Variants in PARP10 observed in about 807,000 individuals in gnomAD.
PARP10 encodes the protein poly(ADP-ribose) polymerase family member 10, also known as protein mono-ADP-ribosyltransferase PARP10.
A neutral mutation model predicts 82.4 loss-of-function variants in PARP10; 56 were observed. That is an observed-to-expected ratio of 0.68 (90% CI 0.55 to 0.85). PARP10 has a LOEUF of 0.85. Ranked by LOEUF, PARP10 falls within the 40% of genes least tolerant of loss-of-function variation. The pLI is 0.00. For missense variants in PARP10, 1,227 were observed against 1,379.4 expected (o/e 0.89, Z 1.75); for synonymous variants, 576 against 601.1 (o/e 0.96, Z 0.61).
intron 1 of PARP10, among the ~76,000 whole-genome samples, chr8:143,997,323 A>G (rs1416352937): frequency 2.0e-5 from 3 of 152,150 alleles, no homozygotes; most frequent in African/African-American, 7.2e-5. Context: ...TTTCACTGCA[A>G]CTTCCAAACC....
rs897577243 is a variant in PARP10 at position 144,008,979 on chromosome 8, C to T, written c.-80+3551G>A. On this transcript the variant is annotated intron_variant, in intron 1 of 3. Transcript: ENST00000530478. This position sits in a 1 kb window ranked among gnomAD's most constrained non-coding sequence, Gnocchi z 4.0. ...GCTGCAGCTTAACATTCTGGGGGAC[C>T]CTGGGGGTCTTTTGAGGGCCTCTAC... 6.6e-6 allele frequency among the ~76,000 whole-genome samples: 1 copy of T among 152,082 alleles called. No homozygotes were observed. Among genetic ancestry groups the T allele is most frequent in the African/African-American group, 2.4e-5 (1 of 41,420 alleles).
rs189053036 is a variant in PARP10, at chr8:144,010,074, A to C, written c.-80+2456T>G. On this transcript the variant is annotated intron_variant, in intron 1 of 3. Coordinates refer to the PARP10 transcript ENST00000530478. ...CCCTCCATCCCTCCCCAGCACATACATCCACCCTGCTCATTCTGTGCTCTA... is the reference window on the plus strand; with the variant it reads ...CCCTCCATCCCTCCCCAGCACATACCTCCACCCTGCTCATTCTGTGCTCTA... Among the ~76,000 whole-genome samples, 5 of 152,078 alleles carry C rather than the reference A, an allele frequency of 3.3e-5. No homozygotes were observed. In the East Asian group the frequency reaches 9.7e-4, roughly 29 times the overall value.
Position 144,007,896 on chromosome 8 carries a change from G to A in PARP10, c.-80+4634C>T, listed in dbSNP as rs558509572. ...TGCTGGATGGGGTACTACCTGCCTC[G>A]GGGGCTTGTTAGGACTGTCACGACA... On this transcript the variant is annotated intron_variant, in intron 1 of 3. Coordinates refer to the PARP10 transcript ENST00000530478. Among the ~76,000 whole-genome samples, 5 of 152,312 alleles carry A rather than the reference G, an allele frequency of 3.3e-5. No individual in the cohort carries two copies. The East Asian group carries it at 5.8e-4, about 18-fold the overall frequency.
intron 1 of PARP10, among the ~76,000 whole-genome samples, chr8:144,006,056 C>G (rs1348751803): frequency 6.6e-6 from 1 of 152,208 alleles, no homozygotes; most frequent in Non-Finnish European, 1.5e-5. Flanking sequence ...CTAGGGCCCC[C>G]CTAACCCCAG....
rs1833988273 is a variant in PARP10 at position 143,986,223 on chromosome 8, C to T, written c.13G>A (p.Ala5Thr). 6.2e-7 allele frequency: 1 copy of T among 1,614,028 alleles called. No homozygotes were observed. The highest frequency in any genetic ancestry group is 8.5e-7 in the Non-Finnish European group (1 of 1,179,934). MVAMAEAEAGVAVEV... is the reference protein window; with the variant it reads MVAMTEAEAGVAVEV... ...ACTGCCACCCCTGCCTCTGCCTCCG[C>T]CATTGCAACCCTGGGACGGGGCATC... Residue 5 changes from alanine (A) to threonine (T), a missense_variant, in exon 2 of 11, where the codon GCG becomes ACG. Ala to Thr is a moderately conservative substitution (Grantham distance 58). Coordinates refer to ENST00000313028, the MANE Select transcript of PARP10 (RefSeq NM_032789.5).
chr8:144,000,284 T>C (rs7832646), intron 1 of PARP10, among the ~76,000 whole-genome samples: 68,975 of 151,902 alleles, frequency 0.45, 16,977 homozygotes, highest in African/African-American at 0.63. Context: ...AGCTGATGCT[T>C]TTATAAAACG....
At chr8:143,981,389 A>G (rs62530287) in intron 9 of PARP10, among the ~76,000 whole-genome samples, 5,293 of 29,638 alleles carry the variant, frequency 0.18, 183 homozygotes, top group Non-Finnish European at 0.22. Context: ...GGTGAAGGTG[A>G]TGGTGATGAT....
At chr8:143,991,001 A>C, upstream of PARP10, 4 of 375,998 alleles carry the variant, frequency 1.1e-5, no homozygotes, top group East Asian at 4.5e-5. Flanking sequence ...AGCCCTGGGA[A>C]GGCCCCACGG....
intron 1 of PARP10, among the ~76,000 whole-genome samples, chr8:144,002,576 A>G (rs1192699012): frequency 2.0e-5 from 3 of 152,148 alleles, no homozygotes; most frequent in African/African-American, 7.2e-5. Flanking sequence ...GCAAGAATAG[A>G]CCAAAAGAAA....
chr8:144,011,455 A>G lies in PARP10; in HGVS notation c.-80+1075T>C, dbSNP rs1044028973. Reference sequence around the variant, plus strand: ...GACCTTCTTCCCCTTCCTCATTCCCACATTCTACCAGGAGTCTGTCCTCTG... The same window carrying G: ...GACCTTCTTCCCCTTCCTCATTCCCGCATTCTACCAGGAGTCTGTCCTCTG... On this transcript the variant is annotated intron_variant, in intron 1 of 3. Coordinates refer to the PARP10 transcript ENST00000530478. This position sits in a 1 kb window ranked among gnomAD's most constrained non-coding sequence, Gnocchi z 4.5. 1.5e-4 allele frequency among the ~76,000 whole-genome samples: 23 copies of G among 151,930 alleles called. No homozygotes were observed. Among genetic ancestry groups the G allele is most frequent in the African/African-American group, 5.3e-4 (22 of 41,352 alleles).
In PARP10 at chr8:143,984,817, C is replaced by T. The variant is rs1387393620; in HGVS notation, c.1185G>A (p.Leu395=). The T allele has an allele frequency of 6.2e-6, 10 of 1,612,572 alleles. No individual in the cohort carries two copies. The highest frequency in any genetic ancestry group is 1.3e-5 in the African/African-American group (1 of 74,764). ...CAATTTCCACCAGGCCCTCCTGCCC[C>T]AGCAACCCCTTAGAGGTCTCCACTG... ...AGPVETSKGL[L]GQEGLVEIAM... Residue 395 remains leucine, a synonymous_variant, in exon 5 of 11, where the codon CTG becomes CTA. Transcript: ENST00000313028.
Position 143,984,220 on chromosome 8 carries a change from C to T in PARP10, c.1670G>A (p.Gly557Asp), listed in dbSNP as rs782020681. The T allele has an allele frequency of 1.1e-5, 18 of 1,613,540 alleles. No homozygotes were observed. Among genetic ancestry groups the T allele is most frequent in the Non-Finnish European group, 1.4e-5 (17 of 1,179,618 alleles). ...GGACTCCATCTCTACCTCTTCAAGG[C>T]CTGTGTCCAACGTGGCTGTGGCCAG... ...ERLATATLDT[G>D]LEEVDPTEAL... Residue 557 changes from glycine to aspartate, a missense_variant, in exon 6 of 11, where the codon GGC becomes GAC. Transcript: ENST00000313028.
chr8:143,997,806 T>G (rs1276737373), intron 1 of PARP10, among the ~76,000 whole-genome samples: 4 of 151,922 alleles, frequency 2.6e-5, no homozygotes, highest in Non-Finnish European at 5.9e-5. Context: ...TTTTCCTTTT[T>G]TTTGAGACAG....
In PARP10 at chr8:144,011,157, A is replaced by C. The variant is rs1834279023; in HGVS notation, c.-80+1373T>G. ...CAAAATTGACACATAAAATGTAACC[A>C]TCACTGACTGCATCAACCCAAGAGG... On this transcript the variant is annotated intron_variant, in intron 1 of 3. Coordinates refer to the PARP10 transcript ENST00000530478. The surrounding 1 kb of genome is among the most constrained non-coding windows in gnomAD (Gnocchi z 4.5). Among the ~76,000 whole-genome samples, 1 of 152,116 alleles carries C rather than the reference A, an allele frequency of 6.6e-6. No homozygotes were observed. Among genetic ancestry groups the C allele is most frequent in the Non-Finnish European group, 1.5e-5 (1 of 68,012 alleles).
intron 1 of PARP10, among the ~76,000 whole-genome samples, chr8:144,009,666 A>G (rs1267156318): frequency 6.6e-6 from 1 of 152,044 alleles, no homozygotes; most frequent in Admixed American, 6.5e-5. Flanking sequence ...TAACATCCTG[A>G]TCTCAGCAGC....
chr8:143,984,506 A>T (rs782159354), intron 5 of PARP10, 38 bp downstream of exon 5: 1 of 1,590,366 alleles, frequency 6.3e-7, no homozygotes, highest in Admixed American at 1.7e-5. Flanking sequence ...CAGTAGGAGG[A>T]GGGGGCTGAA....
At chr8:143,984,148 C>T (rs1833929388) in intron 6 of PARP10, 44 bp from the exon 7 acceptor site, 1 of 1,574,572 alleles carries the variant, frequency 6.4e-7, no homozygotes, top group Non-Finnish European at 8.7e-7. Flanking sequence ...TGGGCAAGGG[C>T]AGAGGAGGCC....
chr8:143,982,469 G>A (rs116383318), intron 9 of PARP10, among the ~76,000 whole-genome samples: 5,144 of 152,092 alleles, frequency 0.034, 311 homozygotes, highest in African/African-American at 0.12. Flanking sequence ...GCGAGATGCC[G>A]TCTCAAAAAA....
chr8:144,010,615 C>A (rs1554752398), intron 1 of PARP10, among the ~76,000 whole-genome samples: 3 of 152,266 alleles, frequency 2.0e-5, no homozygotes, highest in East Asian at 1.9e-4. Flanking sequence ...TAGCTCACAC[C>A]TGTAATCCCA....
Sources: allele counts gnomAD v4.1 joint callset (sites outside exome capture counted in the v4.1 genomes callset), GRCh38; gene constraint gnomAD v4.1.1; non-coding constraint Gnocchi (gnomAD v3.1); transcripts MANE v1.5; gene names NCBI Gene and HGNC (gene_info 2026-07-23, HGNC 2026-07-21).